STK39: variants seen among roughly 807,000 people sequenced by gnomAD.
The protein encoded by STK39 is STE20/SPS1-related proline-alanine-rich protein kinase.
A neutral mutation model predicts 77.8 loss-of-function variants in STK39; 20 were observed. The ratio of observed to expected loss-of-function variants is 0.26; its 90% CI spans 0.18 to 0.37. The LOEUF (loss-of-function observed/expected upper bound fraction) is 0.37. STK39 is among the 10% of genes least tolerant of loss of function. STK39 has a pLI of 1.00. For missense variants in STK39, 479 were observed against 656.5 expected, an observed-to-expected ratio of 0.73 and a Z score of 2.95; for synonymous variants, 246 against 234.1, an observed-to-expected ratio of 1.05 and a Z score of -0.47.
intron 1 of STK39, among the ~76,000 whole-genome samples, chr2:168,229,788 AAGTC>A (rs1268434258): frequency 6.6e-6 from 1 of 152,188 alleles, no homozygotes; most frequent in Non-Finnish European, 1.5e-5. Flanking sequence ...AGTTTTAAGA[AAGTC>A]AGTCTGGAAT....
In STK39 at chr2:167,965,792, A is replaced by C. The variant is rs151024079; in HGVS notation, c.1499-1066T>G. On this transcript the variant is annotated intron_variant, in intron 16 of 17. Coordinates refer to ENST00000355999, the MANE Select transcript of STK39 (RefSeq NM_013233.3). ...AAAATTTTAAGATAAAATAGTACACATACAAGTATTTTGAGAAAAGTGTTT... is the reference window on the plus strand; with the variant it reads ...AAAATTTTAAGATAAAATAGTACACCTACAAGTATTTTGAGAAAAGTGTTT... Among the ~76,000 whole-genome samples the C allele has an allele frequency of 7.2e-4, 109 of 152,360 alleles. 1 individual carries two copies. The highest frequency in any genetic ancestry group is 2.4e-3 in the African/African-American group (98 of 41,590).
intron 12 of STK39, among the ~76,000 whole-genome samples, chr2:168,072,432 A>G (rs1559083351): frequency 6.6e-6 from 1 of 152,134 alleles, no homozygotes; most frequent in East Asian, 1.9e-4. Context: ...TAAAATTACA[A>G]CTTCCCACCA....
intron 12 of STK39, among the ~76,000 whole-genome samples, chr2:168,069,660 G>T (rs184867650): frequency 1.3e-5 from 2 of 152,234 alleles, no homozygotes; most frequent in African/African-American, 4.8e-5. Context: ...TCTGGATTCC[G>T]AGGGATTTGT....
chr2:167,963,124 G>A (rs982989850), intron 17 of STK39, among the ~76,000 whole-genome samples: 1 of 152,190 alleles, frequency 6.6e-6, no homozygotes, highest in Non-Finnish European at 1.5e-5. Flanking sequence ...CTGACAAACT[G>A]GTGGCAGGAA....
chr2:168,207,310 G>C (rs1396695610), intron 1 of STK39, among the ~76,000 whole-genome samples: 4 of 152,128 alleles, frequency 2.6e-5, no homozygotes, highest in Non-Finnish European at 5.9e-5. Flanking sequence ...CCCTAACGAG[G>C]GAAGTAACTG....
intron 5 of STK39, 36 bp downstream of exon 5, chr2:168,161,750 TA>T: frequency 6.6e-7 from 1 of 1,510,932 alleles, no homozygotes; most frequent in Non-Finnish European, 9.1e-7. Context: ...AACACTTCCG[TA>T]ATCAAGTAAA....
At chr2:168,121,312 GT>G (rs1687399466) in intron 10 of STK39, among the ~76,000 whole-genome samples, 1 of 152,194 alleles carries the variant, frequency 6.6e-6, no homozygotes, top group African/African-American at 2.4e-5. Context: ...AAGAACAATT[GT>G]TTGGGACAAA....
At chr2:168,095,600 G>A (rs1243438889) in intron 10 of STK39, among the ~76,000 whole-genome samples, 1 of 148,414 alleles carries the variant, frequency 6.7e-6, no homozygotes, top group Non-Finnish European at 1.5e-5. Context: ...CGCTGAATCT[G>A]CTAGCCACTC....
chr2:168,218,656 T>A (rs1690085014), intron 1 of STK39, among the ~76,000 whole-genome samples: 1 of 152,120 alleles, frequency 6.6e-6, no homozygotes, highest in South Asian at 2.1e-4. Context: ...CCAAAAGTAA[T>A]TCCAGCCATA....
chr2:168,093,459 A>T (rs1468566094), intron 10 of STK39, among the ~76,000 whole-genome samples: 2 of 152,120 alleles, frequency 1.3e-5, no homozygotes, highest in African/African-American at 4.8e-5. Flanking sequence ...ATCTCATGAG[A>T]CTTATTCACT....
At chr2:167,956,723 CT>C (rs1559032433) in intron 17 of STK39, among the ~76,000 whole-genome samples, 12 of 70,018 alleles carry the variant, frequency 1.7e-4, no homozygotes, top group African/African-American at 3.8e-4. Flanking sequence ...CTCTCTCTCT[CT>C]CTCTCCCCCC....
At chr2:168,177,919 G>C (rs1195339589) in intron 2 of STK39, among the ~76,000 whole-genome samples, 1 of 152,128 alleles carries the variant, frequency 6.6e-6, no homozygotes, top group African/African-American at 2.4e-5. Context: ...GGCAAATAAA[G>C]ACAAAAGGTC....
chr2:168,122,782 A>G (rs1687442379), intron 10 of STK39, among the ~76,000 whole-genome samples: 1 of 152,208 alleles, frequency 6.6e-6, no homozygotes, highest in African/African-American at 2.4e-5. Flanking sequence ...CTATCTATCA[A>G]TAAAATTCCT....
At chr2:168,177,260 C>T (rs75113250) in intron 2 of STK39, among the ~76,000 whole-genome samples, 1,620 of 152,070 alleles carry the variant, frequency 0.011, 11 homozygotes, top group Non-Finnish European at 0.016. Context: ...TTTAATGACA[C>T]AAATGCTTTG....
chr2:168,124,890 C>G (rs1687500792), intron 10 of STK39, among the ~76,000 whole-genome samples: 2 of 151,934 alleles, frequency 1.3e-5, no homozygotes, highest in African/African-American at 4.8e-5. Context: ...AAACCAAACA[C>G]TGCATGTTCA....
intron 14 of STK39, among the ~76,000 whole-genome samples, chr2:168,040,515 T>A (rs1685075869): frequency 6.6e-6 from 1 of 152,212 alleles, no homozygotes; most frequent in Admixed American, 6.5e-5. Context: ...CAAAATGGGA[T>A]AACTTTAGGA....
chr2:168,002,521 G>C (rs1684027038), intron 16 of STK39, among the ~76,000 whole-genome samples: 1 of 152,182 alleles, frequency 6.6e-6, no homozygotes, highest in South Asian at 2.1e-4. Flanking sequence ...TGGGCTGGCA[G>C]AGGATTCAAT....
chr2:168,210,014 A>C (rs2105694512), intron 1 of STK39, among the ~76,000 whole-genome samples: 1 of 117,796 alleles, frequency 8.5e-6, no homozygotes, highest in East Asian at 2.3e-4. Flanking sequence ...AAAAAAAAAT[A>C]GGAAAGAAAG....
chr2:168,040,718 TTTAA>T (rs1224484593), intron 14 of STK39, among the ~76,000 whole-genome samples: 1 of 152,224 alleles, frequency 6.6e-6, no homozygotes, highest in East Asian at 1.9e-4. Flanking sequence ...TCTTCATACC[TTTAA>T]TTGACAAAAT....
Sources: allele counts gnomAD v4.1 joint callset (sites outside exome capture counted in the v4.1 genomes callset), GRCh38; gene constraint gnomAD v4.1.1; transcripts MANE v1.5; gene names NCBI Gene and HGNC (gene_info 2026-07-23, HGNC 2026-07-21).